FAM167A: variants seen among roughly 807,000 people sequenced by gnomAD.
FAM167A encodes family with sequence similarity 167 member A.
Under a neutral mutation model 14.9 loss-of-function variants are expected in FAM167A, and 23 were observed. The ratio of observed to expected loss-of-function variants is 1.55; its 90% confidence interval spans 1.11 to 2.19. The LOEUF is 2.19. FAM167A is among the 30% of genes most tolerant of loss of function. The pLI is 0.00. For missense variants in FAM167A, 401 were observed against 281.5 expected (o/e 1.42, Z -3.04); for synonymous variants, 174 against 117.7 (o/e 1.48, Z -3.10).
intron 2 of FAM167A, among the ~76,000 whole-genome samples, chr8:11,439,531 G>A (rs1806294488): frequency 6.6e-6 from 1 of 151,752 alleles, no homozygotes; most frequent in East Asian, 2.0e-4. Context: ...CTCCTGCCAT[G>A]ACAGGCCCTA....
chr8:11,449,212 C>G (rs1390222343), intron 1 of FAM167A, among the ~76,000 whole-genome samples: 1 of 152,242 alleles, frequency 6.6e-6, no homozygotes, highest in African/African-American at 2.4e-5. Context: ...GGTGCCTGAA[C>G]AAGCCCAAAG....
At chr8:11,425,661 T>C (rs1346370454) in intron 2 of FAM167A, among the ~76,000 whole-genome samples, 2 of 144,566 alleles carry the variant, frequency 1.4e-5, no homozygotes, top group Non-Finnish European at 3.1e-5. Flanking sequence ...CAGACATGCT[T>C]TGTTATACCC....
upstream of FAM167A, among the ~76,000 whole-genome samples, chr8:11,471,692 C>G (rs927672585): frequency 6.6e-6 from 1 of 152,174 alleles, no homozygotes; most frequent in Non-Finnish European, 1.5e-5. Flanking sequence ...TTTAGAGAAC[C>G]CTGCCCTGCG....
intron 1 of FAM167A, among the ~76,000 whole-genome samples, chr8:11,449,611 T>A (rs902832325): frequency 2.0e-5 from 3 of 152,154 alleles, no homozygotes; most frequent in Non-Finnish European, 4.4e-5. Context: ...AAAAACGACA[T>A]CAGACCCTGT....
Position 11,423,893 on chromosome 8 carries a change from G to A in FAM167A, c.*480C>T, listed in dbSNP as rs1361491598. The A allele has an allele frequency of 1.8e-5, 3 of 170,118 alleles. No individual in the cohort carries two copies. Among genetic ancestry groups the A allele is most frequent in the Non-Finnish European group, 2.6e-5 (2 of 77,704 alleles). The allele number at this position is 170,118 out of a possible 1,614,324, so 10.5% of individuals were successfully genotyped here. On this transcript the variant is annotated 3_prime_UTR_variant, in exon 3 of 3. Coordinates refer to ENST00000284486, the MANE Select transcript of FAM167A (RefSeq NM_053279.3). ...TCAATGTTGCTGAGTCATGTACTTA[G>A]GGTGAATTTGAGACAATACTTAGAG...
chr8:11,464,004 A>G (rs1050766081), intron 1 of FAM167A, among the ~76,000 whole-genome samples: 5 of 152,186 alleles, frequency 3.3e-5, no homozygotes, highest in Admixed American at 1.3e-4. Context: ...AGCTGCTGCT[A>G]GAGAAGAGAG....
intron 2 of FAM167A, among the ~76,000 whole-genome samples, chr8:11,432,195 G>A (rs75195497): frequency 0.016 from 2,439 of 152,154 alleles, 70 homozygotes; most frequent in African/African-American, 0.055. Flanking sequence ...CTGATCCCAC[G>A]GACTGATGTC....
intron 2 of FAM167A, among the ~76,000 whole-genome samples, chr8:11,439,424 C>G (rs1806285775): frequency 6.6e-6 from 1 of 152,250 alleles, no homozygotes; most frequent in East Asian, 1.9e-4. Flanking sequence ...GCATACCAAG[C>G]AGGCAGCACA....
chr8:11,434,474 C>A (rs1357793895), intron 2 of FAM167A, among the ~76,000 whole-genome samples: 1 of 152,172 alleles, frequency 6.6e-6, no homozygotes, highest in East Asian at 1.9e-4. Context: ...GCTCCTGTGC[C>A]CCCTGGGGAA....
intron 2 of FAM167A, among the ~76,000 whole-genome samples, chr8:11,425,574 G>A (rs1336955502): frequency 6.6e-6 from 1 of 152,068 alleles, no homozygotes; most frequent in African/African-American, 2.4e-5. Context: ...CCAACTGACT[G>A]AACAAGCCCG....
chr8:11,461,521 T>C (rs1807537514), intron 1 of FAM167A, among the ~76,000 whole-genome samples: 1 of 152,206 alleles, frequency 6.6e-6, no homozygotes, highest in South Asian at 2.1e-4. Context: ...GAAAGCAGAA[T>C]GCAGCGCAGG....
At chr8:11,461,131 T>C (rs375689815) in intron 1 of FAM167A, among the ~76,000 whole-genome samples, 105 of 152,316 alleles carry the variant, frequency 6.9e-4, no homozygotes, top group African/African-American at 2.4e-3. Flanking sequence ...ATGGGCTCCC[T>C]GCAAGGCGGG....
At chr8:11,431,166 T>C (rs1805559294) in intron 2 of FAM167A, among the ~76,000 whole-genome samples, 1 of 152,180 alleles carries the variant, frequency 6.6e-6, no homozygotes, top group Non-Finnish European at 1.5e-5. Flanking sequence ...GATGAATGGA[T>C]CCACACAATG....
chr8:11,446,510 C>T (rs1250240610), intron 1 of FAM167A: 1 of 152,148 alleles, frequency 6.6e-6, no homozygotes, highest in East Asian at 1.9e-4. Context: ...CCCGATGATC[C>T]GAGTGTGCAG....
upstream of FAM167A, among the ~76,000 whole-genome samples, chr8:11,471,332 A>G (rs568875531): frequency 6.6e-6 from 1 of 152,164 alleles, no homozygotes; most frequent in African/African-American, 2.4e-5. Flanking sequence ...GCAGAGGATG[A>G]GGAAGGAGCG....
At chr8:11,471,968 A>G (rs1224427158), upstream of FAM167A, among the ~76,000 whole-genome samples, 1 of 152,220 alleles carries the variant, frequency 6.6e-6, no homozygotes, top group Non-Finnish European at 1.5e-5. Flanking sequence ...TCTTTGTTCA[A>G]GGGTCCAAGG....
chr8:11,443,753 G>T (rs1806584808), intron 2 of FAM167A: 1 of 406,030 alleles, frequency 2.5e-6, no homozygotes, highest in Admixed American at 4.3e-5. Flanking sequence ...GGGGGGAGGG[G>T]GGTACACCTT....
upstream of FAM167A, among the ~76,000 whole-genome samples, chr8:11,469,130 G>C (rs959603304): frequency 2.0e-5 from 3 of 152,148 alleles, no homozygotes; most frequent in African/African-American, 7.2e-5. Flanking sequence ...ATAAGACTGG[G>C]ACACCAAATC....
At chr8:11,457,993 G>A (rs991738534) in intron 1 of FAM167A, among the ~76,000 whole-genome samples, 2 of 152,236 alleles carry the variant, frequency 1.3e-5, no homozygotes, top group African/African-American at 4.8e-5. Flanking sequence ...AACAGCAGAT[G>A]TTCAGTGTGT....
Sources: gnomAD v4.1 joint callset for allele counts (sites outside exome capture counted in the v4.1 genomes callset) on GRCh38, gnomAD v4.1.1 for gene constraint, MANE v1.5 for transcripts, NCBI Gene and HGNC (gene_info 2026-07-23, HGNC 2026-07-21) for gene names.